IQCM: variants seen among roughly 807,000 people sequenced by gnomAD.
The protein encoded by IQCM is IQ motif containing M.
Under a neutral mutation model 57.6 loss-of-function variants are expected in IQCM, and 45 were observed. That is an observed-to-expected ratio of 0.78 (90% confidence interval 0.62 to 1.00). The LOEUF is 1.00. Among genes scored for constraint, IQCM ranks in the 50% least tolerant of loss-of-function variants. The probability of loss-of-function intolerance (pLI) is 0.00; values close to 1 mark genes in which losing one functional copy is unlikely to be tolerated. For missense variants in IQCM, 468 were observed against 511.6 expected (o/e 0.91, Z 0.82); for synonymous variants, 148 against 158.9 (o/e 0.93, Z 0.51).
intron 12 of IQCM, among the ~76,000 whole-genome samples, chr4:149,534,535 T>C (rs571230943): frequency 1.4e-4 from 22 of 152,222 alleles, no homozygotes; most frequent in Admixed American, 4.6e-4. Flanking sequence ...GCCAAAAGGA[T>C]GTTTGGACCC....
At chr4:149,355,007 T>C (rs1728858737) in intron 13 of IQCM, among the ~76,000 whole-genome samples, 1 of 152,118 alleles carries the variant, frequency 6.6e-6, no homozygotes, top group Non-Finnish European at 1.5e-5. Context: ...ATGATAATAC[T>C]GAAAGCTTAT....
intron 6 of IQCM, among the ~76,000 whole-genome samples, chr4:149,684,857 C>T (rs1305307561): frequency 6.6e-6 from 1 of 151,324 alleles, no homozygotes; most frequent in African/African-American, 2.4e-5. Context: ...CATCAACTAG[C>T]TATAAATAAA....
At chr4:149,592,010 T>C (rs186774514) in intron 8 of IQCM, among the ~76,000 whole-genome samples, 123 of 152,248 alleles carry the variant, frequency 8.1e-4, no homozygotes, top group African/African-American at 2.8e-3. Context: ...CAGTTCTAGA[T>C]CTTTGAGGAA....
chr4:149,446,678 G>A (rs1172233299), intron 12 of IQCM, among the ~76,000 whole-genome samples: 1 of 151,402 alleles, frequency 6.6e-6, no homozygotes, highest in African/African-American at 2.4e-5. Flanking sequence ...AAATTCAAAT[G>A]AAAAACATTT....
intron 13 of IQCM, among the ~76,000 whole-genome samples, chr4:149,381,950 T>C (rs1168504188): frequency 2.6e-5 from 4 of 152,060 alleles, no homozygotes; most frequent in African/African-American, 9.7e-5. Flanking sequence ...AATTTTGCAT[T>C]TTTAGTAGAG....
At chr4:149,624,721 G>A (rs1033187753) in intron 7 of IQCM, among the ~76,000 whole-genome samples, 1 of 152,098 alleles carries the variant, frequency 6.6e-6, no homozygotes, top group African/African-American at 2.4e-5. Context: ...CTGGATATCA[G>A]CAAAAGACCC....
chr4:149,363,945 A>G (rs1729664129), intron 13 of IQCM, among the ~76,000 whole-genome samples: 2 of 152,196 alleles, frequency 1.3e-5, no homozygotes, highest in South Asian at 4.1e-4. Flanking sequence ...TAATGCTTCT[A>G]CTGGAATAGT....
chr4:149,484,220 A>G (rs1305512977), intron 12 of IQCM, among the ~76,000 whole-genome samples: 1 of 151,902 alleles, frequency 6.6e-6, no homozygotes, highest in Non-Finnish European at 1.5e-5. Flanking sequence ...TTTCTTATAG[A>G]CAATGGATCA....
intron 2 of IQCM, among the ~76,000 whole-genome samples, chr4:149,781,537 A>G (rs1194487961): frequency 6.6e-6 from 1 of 152,188 alleles, no homozygotes; most frequent in South Asian, 2.1e-4. Context: ...CCAAAGTGCA[A>G]GAGTAGTGAT....
intron 8 of IQCM, among the ~76,000 whole-genome samples, chr4:149,590,391 C>T (rs557552267): frequency 3.1e-4 from 47 of 151,484 alleles, no homozygotes; most frequent in African/African-American, 1.1e-3. Context: ...GATGTTTCAC[C>T]TCTATTTTCT....
At chr4:149,468,611 G>C (rs1333525734) in intron 12 of IQCM, among the ~76,000 whole-genome samples, 1 of 152,128 alleles carries the variant, frequency 6.6e-6, no homozygotes, top group Non-Finnish European at 1.5e-5. Flanking sequence ...CTGTCTGACA[G>C]CTTTGAAGAG....
At chr4:149,740,930 G>A (rs1201258530) in intron 3 of IQCM, among the ~76,000 whole-genome samples, 1 of 152,088 alleles carries the variant, frequency 6.6e-6, no homozygotes, top group Non-Finnish European at 1.5e-5. Flanking sequence ...TGGAATTAAG[G>A]CCATCAGTTC....
At chr4:149,648,010 A>G (rs1758798930) in intron 7 of IQCM, among the ~76,000 whole-genome samples, 1 of 152,292 alleles carries the variant, frequency 6.6e-6, no homozygotes, top group African/African-American at 2.4e-5. Context: ...TGCATCCAAT[A>G]TGCTAACAAA....
chr4:149,453,586 A>T (rs548021917), intron 12 of IQCM, among the ~76,000 whole-genome samples: 1 of 152,070 alleles, frequency 6.6e-6, no homozygotes, highest in South Asian at 2.1e-4. Context: ...TCCAAAGAAT[A>T]TATACATACG....
chr4:149,812,552 C>T (rs1052022099), intron 2 of IQCM, among the ~76,000 whole-genome samples: 2 of 149,368 alleles, frequency 1.3e-5, no homozygotes, highest in Non-Finnish European at 3.0e-5. Flanking sequence ...ATAGTAAAAT[C>T]CACTATTCCT....
chr4:149,803,452 G>A (rs185760107), intron 2 of IQCM, among the ~76,000 whole-genome samples: 39 of 151,956 alleles, frequency 2.6e-4, no homozygotes, highest in African/African-American at 8.2e-4. Context: ...GCCTTTCTTT[G>A]ACCATCTTCA....
intron 5 of IQCM, among the ~76,000 whole-genome samples, chr4:149,727,874 C>T (rs1188576341): frequency 6.6e-6 from 1 of 152,222 alleles, no homozygotes; most frequent in African/African-American, 2.4e-5. Context: ...CAGTGGTGTG[C>T]TGCAGCAAGC....
At chr4:149,650,135 A>G (rs1368545910) in intron 7 of IQCM, among the ~76,000 whole-genome samples, 3 of 152,056 alleles carry the variant, frequency 2.0e-5, no homozygotes, top group Non-Finnish European at 2.9e-5. Flanking sequence ...CCTCATTTCA[A>G]ATAGGGTCAT....
chr4:149,523,983 A>G (rs1468050970), intron 12 of IQCM, among the ~76,000 whole-genome samples: 4 of 152,184 alleles, frequency 2.6e-5, no homozygotes, highest in Non-Finnish European at 4.4e-5. Flanking sequence ...GTGTATAATA[A>G]CCCTAACCAG....
Sources: gnomAD v4.1 joint callset for allele counts (sites outside exome capture counted in the v4.1 genomes callset) on GRCh38, gnomAD v4.1.1 for gene constraint, MANE v1.5 for transcripts, NCBI Gene and HGNC (gene_info 2026-07-23, HGNC 2026-07-21) for gene names.